Variants in FGFR2 observed in about 807,000 individuals in gnomAD.
The protein encoded by FGFR2 is BEK fibroblast growth factor receptor.
Under a neutral mutation model 95.9 loss-of-function variants are expected in FGFR2, and 19 were observed. That is an observed-to-expected ratio of 0.20 (90% CI 0.14 to 0.29). The LOEUF (loss-of-function observed/expected upper bound fraction) is 0.29. Ranked by LOEUF, FGFR2 falls within the 10% of genes least tolerant of loss-of-function variation. The pLI is 1.00. For synonymous variants in FGFR2, 392 were observed against 393.3 expected, an observed-to-expected ratio of 1.00 and a Z score of 0.04; for missense variants, 707 against 1,056.9, an observed-to-expected ratio of 0.67 and a Z score of 4.59.
At chr10:121,577,025 C>G (rs917426222) in intron 2 of FGFR2, among the ~76,000 whole-genome samples, 1 of 146,072 alleles carries the variant, frequency 6.8e-6, no homozygotes, top group Non-Finnish European at 1.5e-5. Context: ...GTCCCAGCTA[C>G]TCGGGAGGCT....
At chr10:121,514,904 C>T (rs183625949) in intron 9 of FGFR2, among the ~76,000 whole-genome samples, 65 of 152,232 alleles carry the variant, frequency 4.3e-4, no homozygotes, top group African/African-American at 1.4e-3. Flanking sequence ...TCCTTTCTTG[C>T]CCTTGGAACT....
intron 4 of FGFR2, among the ~76,000 whole-genome samples, chr10:121,563,084 A>T (rs899973957): frequency 6.6e-6 from 1 of 152,234 alleles, no homozygotes; most frequent in African/African-American, 2.4e-5. Context: ...TACTAAAAAT[A>T]CATAAATTAG....
At chr10:121,509,969 T>G (rs1387455313) in intron 9 of FGFR2, among the ~76,000 whole-genome samples, 5 of 152,102 alleles carry the variant, frequency 3.3e-5, no homozygotes, top group Non-Finnish European at 4.4e-5. Flanking sequence ...ACTCTTAGGC[T>G]GCAAACCACC....
At chr10:121,555,182 G>A (rs942279388) in intron 4 of FGFR2, among the ~76,000 whole-genome samples, 1 of 152,170 alleles carries the variant, frequency 6.6e-6, no homozygotes, top group African/African-American at 2.4e-5. Flanking sequence ...AGACCAGCCT[G>A]ACCAACATGG....
chr10:121,572,573 C>T (rs1365938100), intron 2 of FGFR2, among the ~76,000 whole-genome samples: 4 of 151,928 alleles, frequency 2.6e-5, no homozygotes, highest in Non-Finnish European at 5.9e-5. Context: ...TGAGCCGAGA[C>T]CATGCCATTG....
chr10:121,537,670 G>A (rs1853053979), intron 6 of FGFR2, among the ~76,000 whole-genome samples: 1 of 152,052 alleles, frequency 6.6e-6, no homozygotes, highest in Non-Finnish European at 1.5e-5. Context: ...TGTGAACTGA[G>A]TTGAGTCTAC....
chr10:121,565,803 GA>G, intron 2 of FGFR2, 99 bp from the exon 3 acceptor site: 1 of 1,453,440 alleles, frequency 6.9e-7, no homozygotes, highest in Non-Finnish European at 9.6e-7. Flanking sequence ...ATTCCCAGGA[GA>G]AGCTGTTCTT....
intron 1 of FGFR2, among the ~76,000 whole-genome samples, chr10:121,597,104 G>T (rs772924405): frequency 2.6e-5 from 4 of 152,200 alleles, no homozygotes; most frequent in Non-Finnish European, 5.9e-5. Flanking sequence ...TCTGGAGAAC[G>T]GTCTGCAAGG....
chr10:121,496,814 G>A (rs1846892082), intron 12 of FGFR2, 92 bp from the exon 13 acceptor site: 1 of 1,110,870 alleles, frequency 9.0e-7, no homozygotes, highest in Non-Finnish European at 1.3e-6. Flanking sequence ...TACAACCCAT[G>A]CTTTTTTTTT....
At chr10:121,596,382 CGCCCTCCAAGAAGGCAGACCAATACAGT>C (rs1246837001) in intron 1 of FGFR2, 1 of 198,428 alleles carries the variant, frequency 5.0e-6, no homozygotes. Flanking sequence ...CCAAAACCCC[CGCCCTCCAAGAAGGCAGACCAATACAGT>C]GCCCTCCGCT....
intron 6 of FGFR2, among the ~76,000 whole-genome samples, chr10:121,520,783 C>T (rs1175999691): frequency 6.6e-6 from 1 of 152,184 alleles, no homozygotes; most frequent in Non-Finnish European, 1.5e-5. Context: ...GCTGGGACTA[C>T]AGGCAACCGC....
At chr10:121,516,268 AAAT>A (rs1849697796) in intron 8 of FGFR2, among the ~76,000 whole-genome samples, 1 of 152,244 alleles carries the variant, frequency 6.6e-6, no homozygotes, top group African/African-American at 2.4e-5. Flanking sequence ...GCAGTACTGC[AAAT>A]AAAAGCAAGC....
chr10:121,595,309 G>C (rs1431427017), intron 1 of FGFR2, among the ~76,000 whole-genome samples: 4 of 152,220 alleles, frequency 2.6e-5, no homozygotes, highest in African/African-American at 9.6e-5. Context: ...GACAAAAATG[G>C]AGGAGGGAAA....
rs1342590812 is a variant in FGFR2, at chr10:121,518,002, T to A, written c.940-539A>T. The A allele has an allele frequency of 2.1e-6, 1 of 474,380 alleles. No homozygotes were observed. The highest frequency in any genetic ancestry group is 5.6e-5 in the East Asian group (1 of 17,948). 29.4% of individuals were successfully genotyped at this position (474,380 alleles called of 1,614,324 possible). ...TTATTTTTACTTCTGCGATACCATC[T>A]TGCCCTACATAGCATTGACAAAAAG... On this transcript the variant is annotated intron_variant, in intron 7 of 17. Coordinates refer to ENST00000358487, the MANE Select transcript of FGFR2 (RefSeq NM_000141.5). The surrounding 1 kb of genome is among the most constrained non-coding windows in gnomAD (Gnocchi z 4.0).
chr10:121,573,298 C>T (rs1397102390), intron 2 of FGFR2, among the ~76,000 whole-genome samples: 1 of 152,204 alleles, frequency 6.6e-6, no homozygotes, highest in Non-Finnish European at 1.5e-5. Flanking sequence ...CTACCAACGG[C>T]ACAGCTCCCT....
rs377570596 is a variant in FGFR2, at chr10:121,593,754, G to A, written c.64C>T (p.Arg22Trp). 78 of 1,614,072 alleles carry A rather than the reference G, an allele frequency of 4.8e-5. No individual in the cohort carries two copies. In the African/African-American group the frequency reaches 7.9e-4, roughly 16 times the overall value. ...VVTMATLSLA[R>W]PSFSLVEDTT... The stretch of plus-strand genomic sequence containing the variant: ...TCCTCAACTAAACTGAAGGAGGGCC[G>A]GGCCAGGGACAAGGTTGCCATGGTG... Residue 22 changes from arginine (R) to tryptophan (W), a missense_variant, in exon 2 of 18, where the codon CGG becomes TGG. Coordinates refer to ENST00000358487, the MANE Select transcript of FGFR2 (RefSeq NM_000141.5).
At chr10:121,533,501 T>C (rs371917170) in intron 6 of FGFR2, among the ~76,000 whole-genome samples, 4 of 152,314 alleles carry the variant, frequency 2.6e-5, no homozygotes, top group South Asian at 2.1e-4. Context: ...GGCAAAAAGC[T>C]TGACATACCT....
chr10:121,585,140 C>T (rs1861643606), intron 2 of FGFR2, among the ~76,000 whole-genome samples: 1 of 152,192 alleles, frequency 6.6e-6, no homozygotes, highest in Non-Finnish European at 1.5e-5. Context: ...AGAGCTGCAA[C>T]TGACTTTTTT....
At chr10:121,501,099 C>T (rs984523442) in intron 10 of FGFR2, 152 bp from the exon 11 acceptor site, 48 of 1,054,490 alleles carry the variant, frequency 4.6e-5, no homozygotes, top group Admixed American at 9.3e-5. Context: ...TACACACGCG[C>T]CTGAGTATTT....
Sources: gnomAD v4.1 joint callset for allele counts (sites outside exome capture counted in the v4.1 genomes callset) on GRCh38, gnomAD v4.1.1 for gene constraint, Gnocchi (gnomAD v3.1) non-coding constraint, MANE v1.5 for transcripts, NCBI Gene and HGNC (gene_info 2026-07-23, HGNC 2026-07-21) for gene names.